Variants in BRWD1 observed in about 807,000 individuals in gnomAD.
The protein encoded by BRWD1 is bromodomain and WD repeat-containing protein 1.
BRWD1 carries 82 observed loss-of-function variants against 251.2 expected under a neutral mutation model. The observed-to-expected ratio is 0.33, with a 90% CI of 0.27 to 0.39. BRWD1 has a LOEUF of 0.39. BRWD1 is among the 10% of genes least tolerant of loss of function. The pLI, the probability that BRWD1 is intolerant of heterozygous loss-of-function variation, is 1.00. For missense variants in BRWD1, 2,233 were observed against 2,711.6 expected, an observed-to-expected ratio of 0.82 and a Z score of 3.92; for synonymous variants, 918 against 902.8, an observed-to-expected ratio of 1.02 and a Z score of -0.30.
chr21:39,280,274 A>G (rs774372987), intron 8 of BRWD1, 26 bp from the exon 9 acceptor site: 7 of 1,534,086 alleles, frequency 4.6e-6, no homozygotes, highest in Middle Eastern at 1.7e-4. Flanking sequence ...TATACAATTC[A>G]GTTTCCAGAA....
At chr21:39,221,704 C>T (rs1184686176) in intron 29 of BRWD1, among the ~76,000 whole-genome samples, 2 of 152,070 alleles carry the variant, frequency 1.3e-5, no homozygotes, top group African/African-American at 2.4e-5. Flanking sequence ...GGGAGGCCAA[C>T]GCAGGCATAT....
chr21:39,203,438 C>CTT (rs71330353), intron 37 of BRWD1, among the ~76,000 whole-genome samples: 3,601 of 67,634 alleles, frequency 0.053, 437 homozygotes, highest in African/African-American at 0.18. Context: ...GACCCTGGTT[C>CTT]TTTTTTTTTT....
At chr21:39,302,988 G>C (rs1054480149) in intron 4 of BRWD1, among the ~76,000 whole-genome samples, 2 of 150,844 alleles carry the variant, frequency 1.3e-5, no homozygotes, top group Non-Finnish European at 3.0e-5. Context: ...GAACCCAGGA[G>C]ACAAAGGTTG....
In BRWD1 at chr21:39,187,888, T is replaced by A. The variant is rs918592634; in HGVS notation, c.*8371A>T. ...CACAGACTGGAAACCTAACCTAGCC[T>A]AAGGGATCAAGGAAGGCTTCCTTTA... On this transcript the variant is annotated 3_prime_UTR_variant, in exon 41 of 41. Transcript: ENST00000342449. 1.0e-6 allele frequency: 1 copy of A among 980,062 alleles called. No individual in the cohort carries two copies. Among genetic ancestry groups the A allele is most frequent in the African/African-American group, 1.8e-5 (1 of 57,022 alleles). The allele number at this position is 980,062 out of a possible 1,614,324, so 60.7% of individuals were successfully genotyped here. A position where few individuals can be genotyped will look rare whatever the true frequency, so the allele number is the denominator to read the frequency against.
At chr21:39,307,490 T>A (rs994354691) in intron 4 of BRWD1, among the ~76,000 whole-genome samples, 2 of 152,208 alleles carry the variant, frequency 1.3e-5, no homozygotes, top group African/African-American at 4.8e-5. Context: ...ACATATTATA[T>A]GTATATATAC....
At position 39,215,141 on chromosome 21, in the gene BRWD1, A is replaced by T. The variant is rs141251963; in HGVS notation, c.3785+96T>A. The T allele has an allele frequency of 8.2e-4, 1,051 of 1,289,008 alleles. 9 individuals carry two copies. In the African/African-American group the frequency reaches 0.012, roughly 15 times the overall value. 79.8% of individuals were successfully genotyped at this position (1,289,008 alleles called of 1,614,324 possible). A position where few individuals can be genotyped will look rare whatever the true frequency, so the allele number is the denominator to read the frequency against. ...GGCCTTCACTTCCCAAAGTGCTGGG[A>T]TTAACAGGCATGAGCCACCACGCCC... On this transcript the variant is annotated intron_variant, in intron 32 of 40. Transcript: ENST00000342449.
chr21:39,212,503 C>T (rs1324166331), intron 34 of BRWD1, among the ~76,000 whole-genome samples, 163 bp downstream of exon 34: 2 of 152,138 alleles, frequency 1.3e-5, no homozygotes, highest in East Asian at 1.9e-4. Flanking sequence ...AGTACAAATT[C>T]CAACTCTCCC....
rs2031416942 is a variant in BRWD1 at position 39,189,251 on chromosome 21, A to G, written c.*7008T>C. On this transcript the variant is annotated 3_prime_UTR_variant, in exon 41 of 41. Coordinates refer to ENST00000342449, the MANE Select transcript of BRWD1 (RefSeq NM_033656.4). Reference sequence around the variant, plus strand: ...AGCTGCACCATTTGCATTTGGAAGAAAAGAACAGATAACTGGTTCATTCCC... The same window carrying G: ...AGCTGCACCATTTGCATTTGGAAGAGAAGAACAGATAACTGGTTCATTCCC... The G allele has an allele frequency of 2.1e-5, 21 of 985,002 alleles. No homozygotes were observed. Among genetic ancestry groups the G allele is most frequent in the Non-Finnish European group, 2.5e-5 (21 of 829,524 alleles). 61.0% of individuals were successfully genotyped at this position (985,002 alleles called of 1,614,324 possible).
At chr21:39,233,775 T>C (rs1201143243) in intron 23 of BRWD1, among the ~76,000 whole-genome samples, 1 of 152,216 alleles carries the variant, frequency 6.6e-6, no homozygotes, top group Non-Finnish European at 1.5e-5. Flanking sequence ...ATCCCAGCAC[T>C]CTGGGAGGCT....
At position 39,197,211 on chromosome 21, in the gene BRWD1, A is replaced by C. The variant is rs1019357543; in HGVS notation, c.5858T>G (p.Val1953Gly). The C allele has an allele frequency of 2.5e-6, 4 of 1,613,940 alleles. No homozygotes were observed. In the African/African-American group the frequency reaches 5.3e-5, roughly 22 times the overall value. Residue 1953 changes from valine to glycine, a missense_variant, in exon 41 of 41, where the codon GTG (valine) becomes GGG (glycine). By Grantham distance (109) the Val-to-Gly change is moderately radical. Transcript: ENST00000342449. The stretch of plus-strand genomic sequence containing the variant: ...CCTTCCATTTTTGCTTCTAGTGTGC[A>C]CATTTTCTAAACTGACATCTTCTAC... ...SDVEDVSLEN[V>G]HTRSKNGRKK...
At chr21:39,255,521 C>G in intron 19 of BRWD1, 124 bp downstream of exon 19, 1 of 759,168 alleles carries the variant, frequency 1.3e-6, no homozygotes, top group Non-Finnish European at 2.1e-6. Flanking sequence ...TAGTAAGATT[C>G]CCACTCATTA....
chr21:39,272,262 G>C (rs1455018692), intron 13 of BRWD1, among the ~76,000 whole-genome samples: 1 of 144,944 alleles, frequency 6.9e-6, no homozygotes, highest in Non-Finnish European at 1.5e-5. Context: ...GTATACATAT[G>C]TAACTAACCT....
At chr21:39,248,779 C>A (rs566312835) in intron 20 of BRWD1, among the ~76,000 whole-genome samples, 60 of 150,784 alleles carry the variant, frequency 4.0e-4, no homozygotes, top group African/African-American at 1.4e-3. Context: ...TAACTTAATT[C>A]AACCACTGTG....
intron 4 of BRWD1, among the ~76,000 whole-genome samples, chr21:39,299,170 C>G (rs111962333): frequency 0.032 from 4,914 of 151,968 alleles, 107 homozygotes; most frequent in Middle Eastern, 0.072. Context: ...TTGCAGTGAG[C>G]TGGGATCGTG....
intron 32 of BRWD1, 96 bp from the exon 33 acceptor site, chr21:39,213,649 T>C: frequency 1.4e-6 from 1 of 694,742 alleles, no homozygotes; most frequent in Non-Finnish European, 2.3e-6. Flanking sequence ...TTCACCAACC[T>C]ATACGTGCCT....
rs552869374 is a variant in BRWD1, at chr21:39,223,070, G to T, written c.3382+1338C>A. 2.5e-3 allele frequency among the ~76,000 whole-genome samples: 382 copies of T among 152,130 alleles called. 2 individuals carry two copies. The highest frequency in any genetic ancestry group is 0.017 in the Middle Eastern group (5 of 294). On this transcript the variant is annotated intron_variant, in intron 29 of 40. Transcript: ENST00000342449. ...TCATGAAAGACAGTGAAAAACGGAG[G>T]GATCCTGGATTAAAGACTAAGATGA... is the stretch of plus-strand genomic sequence containing the variant.
intron 8 of BRWD1, among the ~76,000 whole-genome samples, chr21:39,282,820 A>G (rs11909772): frequency 0.015 from 2,310 of 152,062 alleles, 59 homozygotes; most frequent in African/African-American, 0.053. Context: ...TTAGCCATGC[A>G]TGGTGGTGGG....
At chr21:39,277,175 A>C (rs2035305189) in intron 11 of BRWD1, 76 bp downstream of exon 11, 2 of 962,488 alleles carry the variant, frequency 2.1e-6, no homozygotes, top group Non-Finnish European at 1.5e-6. Flanking sequence ...AAGTAGAGCC[A>C]ATAACAATGC....
chr21:39,184,792 A>G (rs1170392484), downstream of BRWD1: 4 of 152,192 alleles, frequency 2.6e-5, no homozygotes. Flanking sequence ...ATCCTTAGTG[A>G]GATAGAATAA....
Sources: allele counts gnomAD v4.1 joint callset (sites outside exome capture counted in the v4.1 genomes callset), GRCh38; gene constraint gnomAD v4.1.1; transcripts MANE v1.5; gene names NCBI Gene and HGNC (gene_info 2026-07-23, HGNC 2026-07-21).